KCNMB4: variants seen among roughly 807,000 people sequenced by gnomAD.
The protein encoded by KCNMB4 is calcium-activated potassium channel subunit beta-4.
KCNMB4 carries 3 observed loss-of-function variants against 20.7 expected under a neutral mutation model. That is an observed-to-expected ratio of 0.14 (90% CI 0.07 to 0.37). The LOEUF is 0.37. Among genes scored for constraint, KCNMB4 ranks in the 10% least tolerant of loss-of-function variants. The pLI, the probability that KCNMB4 is intolerant of heterozygous loss-of-function variation, is 1.00. For missense variants in KCNMB4, 168 were observed against 265.9 expected, an observed-to-expected ratio of 0.63 and a Z score of 2.56; for synonymous variants, 110 against 113.4, an observed-to-expected ratio of 0.97 and a Z score of 0.19.
At position 70,400,266 on chromosome 12, in the gene KCNMB4, A is replaced by C. The variant is rs1369388047; in HGVS notation, c.394A>C (p.Asn132His). Residue 132 changes from asparagine to histidine, a missense_variant, in exon 2 of 3, where the codon AAT (asparagine) becomes CAT (histidine). Physicochemically the swap from Asn to His is moderately conservative, Grantham distance 68 (BLOSUM62 1). Transcript: ENST00000258111. ...ENQKNLESVM[N>H]WQQYWKDEIG... ...TCAGAAGAATTTGGAAAGTGTCATG[A>C]ATTGGCAACAGTACTGGAAAGATGA... 6.2e-7 allele frequency: 1 copy of C among 1,613,098 alleles called. No individual in the cohort carries two copies. Among genetic ancestry groups the C allele is most frequent in the Admixed American group, 1.7e-5 (1 of 59,750 alleles).
chr12:70,425,196 A>G (rs1292584313), intron 2 of KCNMB4, among the ~76,000 whole-genome samples: 1 of 151,948 alleles, frequency 6.6e-6, no homozygotes, highest in East Asian at 1.9e-4. Flanking sequence ...CAGCACTTAG[A>G]GAGGCCGAGG....
At chr12:70,367,988 G>T (rs1046099220) in intron 1 of KCNMB4, among the ~76,000 whole-genome samples, 1 of 152,116 alleles carries the variant, frequency 6.6e-6, no homozygotes, top group Non-Finnish European at 1.5e-5. Flanking sequence ...AGTGTCCTTA[G>T]CCTGTGAACT....
rs1869340111 is a variant in KCNMB4 at position 70,430,636 on chromosome 12, A to G, written c.616A>G (p.Lys206Glu). The G allele has an allele frequency of 1.2e-6, 2 of 1,609,932 alleles. No individual in the cohort carries two copies. Among genetic ancestry groups the G allele is most frequent in the African/African-American group, 1.3e-5 (1 of 74,558 alleles). Residue 206 changes from lysine to glutamate, a missense_variant, in exon 3 of 3, where the codon AAG becomes GAG. Physicochemically the swap from Lys to Glu is moderately conservative, Grantham distance 56 (BLOSUM62 1). Transcript: ENST00000258111. ...SLAVKAEAMK[K>E]RKFS The stretch of plus-strand genomic sequence containing the variant: ...GGCGGTCAAGGCGGAAGCCATGAAG[A>G]AGCGCAAGTTCTCTTAAAGGGGAAG...
In KCNMB4 at chr12:70,431,782, A is replaced by G. The variant is rs1411376211; in HGVS notation, c.*1129A>G. ...TATCAAATCGCAGGTCTCAGTGAAC[A>G]TCAAACCTATTTACTACATAGAATC... On this transcript the variant is annotated 3_prime_UTR_variant, in exon 3 of 3. Transcript: ENST00000258111. 26 of 152,182 alleles carry G rather than the reference A, an allele frequency of 1.7e-4. No homozygotes were observed. Among genetic ancestry groups the G allele is most frequent in the Admixed American group, 1.7e-3 (26 of 15,278 alleles). The allele number at this position is 152,182 out of a possible 1,614,324, so 9.4% of individuals were successfully genotyped here.
At chr12:70,417,492 T>A (rs1868941788) in intron 2 of KCNMB4, among the ~76,000 whole-genome samples, 1 of 152,076 alleles carries the variant, frequency 6.6e-6, no homozygotes, top group African/African-American at 2.4e-5. Flanking sequence ...TAGAGATCGA[T>A]TAAAAGATGA....
intron 1 of KCNMB4, among the ~76,000 whole-genome samples, chr12:70,376,883 AAG>A (rs1322911665): frequency 6.6e-6 from 1 of 151,852 alleles, no homozygotes; most frequent in African/African-American, 2.4e-5. Context: ...AAAAAAAAAA[AAG>A]AAAAAAGAAT....
At position 70,432,027 on chromosome 12, in the gene KCNMB4, TTTC is replaced by T. The variant is rs1193868515; in HGVS notation, c.*1377_*1379del. The T allele has an allele frequency of 7.2e-6, 1 of 139,154 alleles. No homozygotes were observed. Among genetic ancestry groups the T allele is most frequent in the African/African-American group, 2.7e-5 (1 of 37,178 alleles). 8.6% of individuals were successfully genotyped at this position (139,154 alleles called of 1,614,324 possible). On this transcript the variant is annotated 3_prime_UTR_variant, in exon 3 of 3. Transcript: ENST00000258111. The stretch of plus-strand genomic sequence containing the variant: ...TAGTCCACATACCAATGTTTTCTTT[TTTC>T]TTTTTTTTTTTTTTTTTTGAGATGG...
At chr12:70,401,731 C>T (rs113568112) in intron 2 of KCNMB4, among the ~76,000 whole-genome samples, 35 of 151,610 alleles carry the variant, frequency 2.3e-4, no homozygotes, top group African/African-American at 8.0e-4. Flanking sequence ...ATGGCCTCCT[C>T]CCTCACATGC....
chr12:70,425,822 T>G (rs1869196723), intron 2 of KCNMB4, among the ~76,000 whole-genome samples: 1 of 152,228 alleles, frequency 6.6e-6, no homozygotes. Flanking sequence ...TGTCAAAAAC[T>G]AGGCTGATGC....
At chr12:70,369,104 A>T (rs1883546375) in intron 1 of KCNMB4, among the ~76,000 whole-genome samples, 1 of 152,226 alleles carries the variant, frequency 6.6e-6, no homozygotes, top group Non-Finnish European at 1.5e-5. Flanking sequence ...AACTGACAGA[A>T]CTGGAGAAGA....
At chr12:70,386,416 T>A (rs1481832991) in intron 1 of KCNMB4, among the ~76,000 whole-genome samples, 1 of 151,662 alleles carries the variant, frequency 6.6e-6, no homozygotes, top group Admixed American at 6.6e-5. Flanking sequence ...GTGAGACAAT[T>A]TTTTTTTAAC....
chr12:70,373,927 A>G lies in KCNMB4; in HGVS notation c.336+6857A>G, dbSNP rs540254636. The stretch of plus-strand genomic sequence containing the variant: ...CTTGAGCCTAAGAGTACAAGACTGC[A>G]GTGAGCTAAATTTAAGTATGTGCTT... On this transcript the variant is annotated intron_variant, in intron 1 of 2. Coordinates refer to ENST00000258111, the MANE Select transcript of KCNMB4 (RefSeq NM_014505.6). 7.9e-5 allele frequency among the ~76,000 whole-genome samples: 12 copies of G among 152,314 alleles called. 1 individual carries two copies. In the South Asian group the frequency reaches 2.3e-3, roughly 29 times the overall value.
intron 1 of KCNMB4, among the ~76,000 whole-genome samples, chr12:70,379,760 T>C (rs1324116188): frequency 1.3e-5 from 2 of 152,196 alleles, no homozygotes; most frequent in Non-Finnish European, 2.9e-5. Context: ...TTAAACCTCA[T>C]GAATGAACCT....
chr12:70,416,235 C>T (rs1236376633), intron 2 of KCNMB4, among the ~76,000 whole-genome samples: 1 of 152,120 alleles, frequency 6.6e-6, no homozygotes, highest in East Asian at 1.9e-4. Flanking sequence ...CAGCTCTGCT[C>T]CATGTCAGTT....
chr12:70,418,898 C>G (rs1198057226), intron 2 of KCNMB4, among the ~76,000 whole-genome samples: 1 of 152,120 alleles, frequency 6.6e-6, no homozygotes. Context: ...TGTGACTAAT[C>G]CTTCCAGTGT....
chr12:70,420,931 A>G (rs909811574), intron 2 of KCNMB4, among the ~76,000 whole-genome samples: 1 of 134,966 alleles, frequency 7.4e-6, no homozygotes, highest in Non-Finnish European at 1.6e-5. Flanking sequence ...GGTGGCAGGC[A>G]CCTGTAGTCC....
chr12:70,380,696 A>G (rs772445141), intron 1 of KCNMB4, among the ~76,000 whole-genome samples: 3 of 152,124 alleles, frequency 2.0e-5, no homozygotes, highest in Non-Finnish European at 4.4e-5. Flanking sequence ...ATTTTTGACA[A>G]GAGTGTCAAG....
intron 1 of KCNMB4, among the ~76,000 whole-genome samples, chr12:70,370,762 T>G (rs1318811047): frequency 8.4e-6 from 1 of 118,970 alleles, no homozygotes; most frequent in East Asian, 3.7e-4. Flanking sequence ...ATTATATACA[T>G]TGGATGGCCA....
intron 2 of KCNMB4, among the ~76,000 whole-genome samples, chr12:70,428,685 C>G (rs986886068): frequency 2.0e-5 from 3 of 152,168 alleles, no homozygotes; most frequent in Admixed American, 6.5e-5. Context: ...AAGGCTGCAA[C>G]AGAGGCAGGC....
Sources: gnomAD v4.1 joint callset for allele counts (sites outside exome capture counted in the v4.1 genomes callset) on GRCh38, gnomAD v4.1.1 for gene constraint, MANE v1.5 for transcripts, NCBI Gene and HGNC (gene_info 2026-07-23, HGNC 2026-07-21) for gene names.